NME1: variants seen among roughly 807,000 people sequenced by gnomAD.
The protein encoded by NME1 is NME/NM23 nucleoside diphosphate kinase 1, also known as nucleoside diphosphate kinase A.
Under a neutral mutation model 17.2 loss-of-function variants are expected in NME1, and 9 were observed. That is an observed-to-expected ratio of 0.52 (90% confidence interval 0.32 to 0.92). The LOEUF is 0.92. Among genes scored for constraint, NME1 ranks in the 40% least tolerant of loss-of-function variants. The pLI, the probability that NME1 is intolerant of heterozygous loss-of-function variation, is 0.04. For synonymous variants in NME1, 72 were observed against 70.8 expected, an observed-to-expected ratio of 1.02 and a Z score of -0.09; for missense variants, 169 against 201.7, an observed-to-expected ratio of 0.84 and a Z score of 0.98.
chr17:51,160,423 G>T, intron 3 of NME1: 1 of 385,972 alleles, frequency 2.6e-6, no homozygotes. Flanking sequence ...AAGGTCCCAG[G>T]GTGGGAATGA....
intron 3 of NME1, chr17:51,160,353 A>G: frequency 1.9e-6 from 1 of 525,582 alleles, no homozygotes; most frequent in East Asian, 3.8e-5. Flanking sequence ...GACAAGAAGC[A>G]GCCAGCCATG....
At chr17:51,154,358 A>G in intron 1 of NME1, 1 of 1,613,480 alleles carries the variant, frequency 6.2e-7, no homozygotes, top group South Asian at 1.1e-5. Context: ...AAAGGACAGG[A>G]AGATGGGGCC....
intron 2 of NME1, among the ~76,000 whole-genome samples, chr17:51,158,942 A>G (rs2049825687): frequency 6.6e-6 from 1 of 152,142 alleles, no homozygotes; most frequent in Non-Finnish European, 1.5e-5. Flanking sequence ...GATGTCATGC[A>G]CTTTTGGGTG....
At chr17:51,157,047 A>T (rs899062768) in intron 2 of NME1, among the ~76,000 whole-genome samples, 1 of 151,944 alleles carries the variant, frequency 6.6e-6, no homozygotes, top group African/African-American at 2.4e-5. Flanking sequence ...AATAGGGGAT[A>T]GTATGTTTTC....
intron 3 of NME1, 174 bp downstream of exon 3, chr17:51,160,255 G>A: frequency 4.0e-6 from 3 of 753,086 alleles, no homozygotes; most frequent in Non-Finnish European, 6.9e-6. Context: ...GAAATGAATA[G>A]GAGTAGCAAA....
rs760912759 is a variant in NME1, at chr17:51,160,145, C to A, written c.228+64C>A. On this transcript the variant is annotated intron_variant, in intron 3 of 4. Transcript: ENST00000393196. Reference sequence around the variant, plus strand: ...CTTGTCATCTGTGCTAGGCTCTCTTCTAGACACTGGGGATACAGCCATGAA... The same window carrying A: ...CTTGTCATCTGTGCTAGGCTCTCTTATAGACACTGGGGATACAGCCATGAA... 1.2e-5 allele frequency: 19 copies of A among 1,567,968 alleles called. No homozygotes were observed. In the Admixed American group the frequency reaches 3.0e-4, roughly 25 times the overall value.
Position 51,161,921 on chromosome 17 carries a change from T to C in NME1, c.*76T>C. 1 of 955,740 alleles carries C rather than the reference T, an allele frequency of 1.0e-6. No individual in the cohort carries two copies. The highest frequency in any genetic ancestry group is 1.7e-6 in the Non-Finnish European group (1 of 586,918). The allele number at this position is 955,740 out of a possible 1,614,324, so 59.2% of individuals were successfully genotyped here. ...GGGCAGAGGACCAGGCTGTAGGAAA[T>C]CTAGTTATTTACAGGAACTTCATCA... On this transcript the variant is annotated 3_prime_UTR_variant, in exon 5 of 5. Transcript: ENST00000393196.
chr17:51,161,259 A>G lies in NME1; in HGVS notation c.328A>G (p.Ile110Val). Residue 110 changes from isoleucine (I) to valine (V), a missense_variant, in exon 4 of 5, where the codon ATA becomes GTA. Coordinates refer to ENST00000393196, the MANE Select transcript of NME1 (RefSeq NM_000269.3). ...TGGGACCATCCGTGGAGACTTCTGCATACAAGTTGGCAGGTGAGATTTTGG... is the reference window on the plus strand; with the variant it reads ...TGGGACCATCCGTGGAGACTTCTGCGTACAAGTTGGCAGGTGAGATTTTGG... ...KPGTIRGDFC[I>V]QVGRNIIHGS... 6.2e-7 allele frequency: 1 copy of G among 1,610,444 alleles called. No homozygotes were observed. Among genetic ancestry groups the G allele is most frequent in the Non-Finnish European group, 8.5e-7 (1 of 1,178,430 alleles).
chr17:51,157,433 T>C (rs1027507727), intron 2 of NME1, among the ~76,000 whole-genome samples: 3 of 152,110 alleles, frequency 2.0e-5, no homozygotes, highest in African/African-American at 7.2e-5. Context: ...ACTCCTGAGA[T>C]AAGACATTAA....
chr17:51,158,352 A>G (rs2049818142), intron 2 of NME1, among the ~76,000 whole-genome samples: 1 of 152,130 alleles, frequency 6.6e-6, no homozygotes, highest in Admixed American at 6.6e-5. Flanking sequence ...AGGCAAGAGG[A>G]TTGCTTGAGC....
At position 51,160,041 on chromosome 17, in the gene NME1, G is replaced by T. The variant is rs1455705100; in HGVS notation, c.188G>T (p.Gly63Val). 1 of 1,614,044 alleles carries T rather than the reference G, an allele frequency of 6.2e-7. No homozygotes were observed. Among genetic ancestry groups the T allele is most frequent in the Non-Finnish European group, 8.5e-7 (1 of 1,180,034 alleles). The change falls in exon 3 of 5, where the codon GGC (glycine) becomes GTC (valine). Residue 63 changes from glycine to valine, a missense_variant. Physicochemically the swap from Gly to Val is moderately radical, Grantham distance 109. Coordinates refer to ENST00000393196, the MANE Select transcript of NME1 (RefSeq NM_000269.3). Reference protein sequence around the residue: ...VDLKDRPFFAGLVKYMHSGPV... With the variant: ...VDLKDRPFFAVLVKYMHSGPV... ...CTGAAGGACCGTCCATTCTTTGCCG[G>T]CCTGGTGAAATACATGCACTCAGGG...
Position 51,161,766 on chromosome 17 carries a change from A to G in NME1, c.380A>G (p.Glu127Gly). 1 of 1,614,140 alleles carries G rather than the reference A, an allele frequency of 6.2e-7. No individual in the cohort carries two copies. Among genetic ancestry groups the G allele is most frequent in the African/African-American group, 1.3e-5 (1 of 75,066 alleles). ...GGCAGTGATTCTGTGGAGAGTGCAG[A>G]GAAGGAGATCGGCTTGTGGTTTCAC... ...IHGSDSVESA[E>G]KEIGLWFHPE... The change falls in exon 5 of 5, where the codon GAG (glutamate) becomes GGG (glycine). Residue 127 changes from glutamate to glycine, a missense_variant. Glu to Gly is a moderately conservative substitution (Grantham distance 98). Transcript: ENST00000393196.
At position 51,161,734 on chromosome 17, in the gene NME1, T is replaced by A; in HGVS notation, c.348T>A (p.Ile116=). The change falls in exon 5 of 5, where the codon ATT becomes ATA. Residue 116 remains isoleucine, a synonymous_variant. Transcript: ENST00000393196. ...GDFCIQVGRN[I]IHGSDSVESA... Reference sequence around the variant, plus strand: ...TATCTCTTTCTCCACCCAGGAACATTATACATGGCAGTGATTCTGTGGAGA... The same window carrying A: ...TATCTCTTTCTCCACCCAGGAACATAATACATGGCAGTGATTCTGTGGAGA... 1 of 1,612,750 alleles carries A rather than the reference T, an allele frequency of 6.2e-7. No individual in the cohort carries two copies. The highest frequency in any genetic ancestry group is 2.2e-5 in the East Asian group (1 of 44,872).
rs1490015556 is a variant in NME1, at chr17:51,161,760, G to T, written c.374G>T (p.Ser125Ile). ...NIIHGSDSVE[S>I]AEKEIGLWFH... ...ATACATGGCAGTGATTCTGTGGAGA[G>T]TGCAGAGAAGGAGATCGGCTTGTGG... Residue 125 changes from serine to isoleucine, a missense_variant, in exon 5 of 5, where the codon AGT (serine) becomes ATT (isoleucine). Ser to Ile is a moderately radical substitution (Grantham distance 142). Transcript: ENST00000393196. The T allele has an allele frequency of 2.5e-6, 4 of 1,613,886 alleles. No individual in the cohort carries two copies. The African/African-American group carries it at 5.3e-5, about 22-fold the overall frequency.
At chr17:51,154,282 G>C in intron 1 of NME1, 2 of 1,160,142 alleles carry the variant, frequency 1.7e-6, no homozygotes, top group Non-Finnish European at 2.6e-6. Flanking sequence ...CTGGTGTGCA[G>C]GGGAGGCAGA....
At chr17:51,157,541 A>T (rs1260978185) in intron 2 of NME1, among the ~76,000 whole-genome samples, 3 of 152,250 alleles carry the variant, frequency 2.0e-5, no homozygotes, top group Non-Finnish European at 2.9e-5. Flanking sequence ...CAACATACGA[A>T]CTTTGGGGGA....
In NME1 at chr17:51,160,920, A is replaced by G. The variant is rs571001894; in HGVS notation, c.229-240A>G. On this transcript the variant is annotated intron_variant, in intron 3 of 4. Coordinates refer to ENST00000393196, the MANE Select transcript of NME1 (RefSeq NM_000269.3). ...CCACTGCGCCCTGCCCACACTTGGC[A>G]TTTTAAGGAGGCTGCTCTGGTTGCT... Among the ~76,000 whole-genome samples, 4 of 152,220 alleles carry G rather than the reference A, an allele frequency of 2.6e-5. No individual in the cohort carries two copies. In the East Asian group the frequency reaches 5.8e-4, roughly 22 times the overall value.
At chr17:51,154,739 C>T (rs759336442) in intron 1 of NME1, among the ~76,000 whole-genome samples, 1 of 152,114 alleles carries the variant, frequency 6.6e-6, no homozygotes, top group Non-Finnish European at 1.5e-5. Context: ...CTCTAAAACC[C>T]CTAATGCTAT....
chr17:51,154,378 T>C (rs1325245378), intron 1 of NME1: 1 of 1,613,904 alleles, frequency 6.2e-7, no homozygotes, highest in East Asian at 2.2e-5. Context: ...CAAGAGATGG[T>C]GCTACTGTCT....
Sources: gnomAD v4.1 joint callset for allele counts (sites outside exome capture counted in the v4.1 genomes callset) on GRCh38, gnomAD v4.1.1 for gene constraint, MANE v1.5 for transcripts, NCBI Gene and HGNC (gene_info 2026-07-23, HGNC 2026-07-21) for gene names.